GRM5: variants seen among roughly 807,000 people sequenced by gnomAD.
The protein encoded by GRM5 is metabotropic glutamate receptor 5.
GRM5 carries 19 observed loss-of-function variants against 83.1 expected under a neutral mutation model. The observed-to-expected ratio is 0.23, with a 90% CI of 0.16 to 0.34. The LOEUF (loss-of-function observed/expected upper bound fraction) is 0.34. Among genes scored for constraint, GRM5 ranks in the 10% least tolerant of loss-of-function variants. The probability of loss-of-function intolerance (pLI) is 1.00; values close to 1 mark genes in which losing one functional copy is unlikely to be tolerated. For missense variants in GRM5, 1,160 were observed against 1,588.3 expected (o/e 0.73, Z 4.58); for synonymous variants, 675 against 633.6 (o/e 1.07, Z -0.98).
chr11:88,790,413 T>C (rs770722314), intron 3 of GRM5, among the ~76,000 whole-genome samples: 8 of 152,160 alleles, frequency 5.3e-5, no homozygotes, highest in Non-Finnish European at 1.0e-4. Flanking sequence ...TTAAAAACTA[T>C]GCATGAATTA....
intron 2 of GRM5, among the ~76,000 whole-genome samples, chr11:88,863,589 C>T (rs1417319944): frequency 6.6e-6 from 1 of 151,770 alleles, no homozygotes. Context: ...GGGAGGGGAA[C>T]AACACACTCA....
chr11:88,998,026 T>C (rs1283155835), intron 2 of GRM5, among the ~76,000 whole-genome samples: 1 of 127,158 alleles, frequency 7.9e-6, no homozygotes, highest in Admixed American at 8.0e-5. Flanking sequence ...CAAAAAAAAA[T>C]GAGAGGGGGC....
intron 7 of GRM5, 32 bp downstream of exon 7, chr11:88,590,569 A>G: frequency 6.3e-7 from 1 of 1,592,864 alleles, no homozygotes; most frequent in South Asian, 1.1e-5. Flanking sequence ...TTTTTCAGTT[A>G]ATTTATATGT....
At chr11:88,990,983 A>G (rs201381129) in intron 2 of GRM5, among the ~76,000 whole-genome samples, 3,941 of 152,288 alleles carry the variant, frequency 0.026, 94 homozygotes, top group East Asian at 0.1. Flanking sequence ...CACCACTCCT[A>G]TTCAACATAG....
chr11:88,931,921 A>G (rs1248057544), intron 2 of GRM5, among the ~76,000 whole-genome samples: 1 of 152,124 alleles, frequency 6.6e-6, no homozygotes, highest in Non-Finnish European at 1.5e-5. Context: ...TGGTTCATCA[A>G]TTAAGATATC....
At chr11:88,632,372 A>G (rs569122140) in intron 4 of GRM5, among the ~76,000 whole-genome samples, 5 of 150,478 alleles carry the variant, frequency 3.3e-5, no homozygotes, top group African/African-American at 1.2e-4. Context: ...ACCTAGGACT[A>G]TAGGTATGCG....
intron 7 of GRM5, among the ~76,000 whole-genome samples, chr11:88,568,904 G>A (rs560535847): frequency 6.6e-5 from 10 of 152,174 alleles, no homozygotes; most frequent in Non-Finnish European, 1.3e-4. Flanking sequence ...GGCAAGGGAA[G>A]TGCACCACTC....
chr11:88,742,221 T>A (rs1426953258), intron 3 of GRM5, among the ~76,000 whole-genome samples: 2 of 151,988 alleles, frequency 1.3e-5, no homozygotes, highest in Non-Finnish European at 2.9e-5. Context: ...GGTGTAATAA[T>A]AATTATTTAC....
chr11:88,598,230 C>A (rs1937875599), intron 5 of GRM5, among the ~76,000 whole-genome samples: 1 of 152,130 alleles, frequency 6.6e-6, no homozygotes, highest in Non-Finnish European at 1.5e-5. Context: ...ATGCCTCCTC[C>A]AACTTCCAAT....
At chr11:88,860,379 C>A (rs1408383020) in intron 2 of GRM5, among the ~76,000 whole-genome samples, 3 of 152,116 alleles carry the variant, frequency 2.0e-5, no homozygotes, top group Non-Finnish European at 4.4e-5. Flanking sequence ...AAAAGTAATT[C>A]CATTTCCACA....
chr11:88,855,962 C>A (rs1182742679), intron 2 of GRM5, among the ~76,000 whole-genome samples: 2 of 151,844 alleles, frequency 1.3e-5, no homozygotes, highest in African/African-American at 4.8e-5. Context: ...CTAAGCAGAA[C>A]ACCAAGCAGA....
intron 2 of GRM5, among the ~76,000 whole-genome samples, chr11:88,961,340 T>C (rs1467616777): frequency 6.6e-6 from 1 of 151,416 alleles, no homozygotes; most frequent in Admixed American, 6.6e-5. Flanking sequence ...AGCCAAGTTG[T>C]CCTCAGTAAA....
intron 8 of GRM5, among the ~76,000 whole-genome samples, chr11:88,560,493 G>A (rs11020412): frequency 0.016 from 2,492 of 152,180 alleles, 30 homozygotes; most frequent in East Asian, 0.043. Flanking sequence ...CTGCTGAGTA[G>A]GCATTCAATG....
intron 2 of GRM5, among the ~76,000 whole-genome samples, chr11:88,934,648 G>A (rs1415347294): frequency 6.6e-6 from 1 of 151,712 alleles, no homozygotes; most frequent in African/African-American, 2.4e-5. Flanking sequence ...TTAACTTAAT[G>A]ATTTTATTTG....
intron 2 of GRM5, among the ~76,000 whole-genome samples, chr11:89,018,309 A>C (rs1423427221): frequency 6.6e-6 from 1 of 152,104 alleles, no homozygotes; most frequent in African/African-American, 2.4e-5. Context: ...CTCAGAAACA[A>C]GCCACTTGTC....
chr11:89,060,048 T>G (rs573072076), intron 1 of GRM5, among the ~76,000 whole-genome samples: 2 of 152,198 alleles, frequency 1.3e-5, no homozygotes, highest in Non-Finnish European at 2.9e-5. Flanking sequence ...CCCAGGCAAT[T>G]TGAAGCCAGA....
At chr11:88,994,625 A>T (rs1163311036) in intron 2 of GRM5, among the ~76,000 whole-genome samples, 4 of 149,502 alleles carry the variant, frequency 2.7e-5, no homozygotes, top group Non-Finnish European at 4.5e-5. Context: ...AAAAAAAAAA[A>T]AACAGTAAAA....
chr11:88,890,012 C>A (rs190975840), intron 2 of GRM5, among the ~76,000 whole-genome samples: 239 of 152,200 alleles, frequency 1.6e-3, no homozygotes, highest in Non-Finnish European at 2.6e-3. Context: ...TAGGAGAGAG[C>A]TTTGATGTGT....
At chr11:88,779,433 C>T (rs1387659581) in intron 3 of GRM5, among the ~76,000 whole-genome samples, 2 of 152,138 alleles carry the variant, frequency 1.3e-5, no homozygotes, top group East Asian at 3.9e-4. Context: ...GATCATACTG[C>T]AACAGAAGTT....
Sources: gnomAD v4.1 joint callset for allele counts (sites outside exome capture counted in the v4.1 genomes callset) on GRCh38, gnomAD v4.1.1 for gene constraint, MANE v1.5 for transcripts, NCBI Gene and HGNC (gene_info 2026-07-23, HGNC 2026-07-21) for gene names.